SLC7A1: variants seen among roughly 807,000 people sequenced by gnomAD.
SLC7A1 encodes high affinity cationic amino acid transporter 1.
SLC7A1 carries 10 observed loss-of-function variants against 53.9 expected under a neutral mutation model. The observed-to-expected ratio is 0.19, with a 90% confidence interval of 0.11 to 0.31. SLC7A1 has a LOEUF of 0.31. Ranked by LOEUF, SLC7A1 falls within the 10% of genes least tolerant of loss-of-function variation. The pLI is 1.00. For synonymous variants in SLC7A1, 342 were observed against 338.7 expected (o/e 1.01, Z -0.11); for missense variants, 525 against 827.2 (o/e 0.63, Z 4.48).
chr13:29,535,458 C>T (rs1593550408), intron 3 of SLC7A1, among the ~76,000 whole-genome samples: 1 of 152,128 alleles, frequency 6.6e-6, no homozygotes, highest in Non-Finnish European at 1.5e-5. Flanking sequence ...TTCATGGGAT[C>T]CCTAGTATCT....
chr13:29,556,230 T>C (rs905818338), intron 1 of SLC7A1, among the ~76,000 whole-genome samples: 1 of 152,206 alleles, frequency 6.6e-6, no homozygotes, highest in African/African-American at 2.4e-5. Context: ...GGCAAATATG[T>C]AAAACAATGC....
At chr13:29,535,290 G>T (rs1869354855) in intron 3 of SLC7A1, among the ~76,000 whole-genome samples, 1 of 152,210 alleles carries the variant, frequency 6.6e-6, no homozygotes, top group Non-Finnish European at 1.5e-5. Context: ...CATTAGAAAT[G>T]TTACTGTGGA....
At chr13:29,527,436 T>G (rs1290186440) in intron 5 of SLC7A1, among the ~76,000 whole-genome samples, 1 of 150,586 alleles carries the variant, frequency 6.6e-6, no homozygotes, top group Non-Finnish European at 1.5e-5. Context: ...CAGAATCCAT[T>G]CTACAGAGGC....
At chr13:29,530,896 T>C (rs11838370) in intron 4 of SLC7A1, among the ~76,000 whole-genome samples, 184 bp from the exon 5 acceptor site, 7,206 of 152,040 alleles carry the variant, frequency 0.047, 562 homozygotes, top group African/African-American at 0.16. Context: ...GATCAGGGGT[T>C]TAAATCACCA....
At chr13:29,545,541 A>G (rs1236303266) in intron 2 of SLC7A1, among the ~76,000 whole-genome samples, 1 of 152,218 alleles carries the variant, frequency 6.6e-6, no homozygotes, top group African/African-American at 2.4e-5. Context: ...ACGCCCAGAA[A>G]ACAGAACTCG....
chr13:29,522,053 CTG>C (rs1868652958), intron 8 of SLC7A1, among the ~76,000 whole-genome samples: 1 of 152,192 alleles, frequency 6.6e-6, no homozygotes, highest in African/African-American at 2.4e-5. Context: ...TTTTCGAATA[CTG>C]TGTGTTCTAA....
intron 2 of SLC7A1, among the ~76,000 whole-genome samples, chr13:29,550,771 T>C (rs746076842): frequency 6.6e-6 from 1 of 152,198 alleles, no homozygotes; most frequent in Non-Finnish European, 1.5e-5. Flanking sequence ...GAGCTCTGAC[T>C]CCTGCTGATT....
At chr13:29,536,447 G>A (rs779594869) in intron 2 of SLC7A1, among the ~76,000 whole-genome samples, 7 of 152,158 alleles carry the variant, frequency 4.6e-5, no homozygotes, top group Non-Finnish European at 8.8e-5. Context: ...CGAGGTCTCT[G>A]AGCTTCCACA....
chr13:29,554,195 C>T (rs963048695), intron 1 of SLC7A1, among the ~76,000 whole-genome samples: 2 of 152,190 alleles, frequency 1.3e-5, no homozygotes, highest in African/African-American at 4.8e-5. Context: ...CGTAGGCATG[C>T]AAAAGCTCTG....
intron 1 of SLC7A1, among the ~76,000 whole-genome samples, chr13:29,583,770 T>C (rs1216096554): frequency 6.6e-6 from 1 of 152,210 alleles, no homozygotes; most frequent in African/African-American, 2.4e-5. Flanking sequence ...ATTCTAATTG[T>C]ATCAAACTCT....
chr13:29,556,423 G>T (rs1052510875), intron 1 of SLC7A1, among the ~76,000 whole-genome samples: 1 of 151,786 alleles, frequency 6.6e-6, no homozygotes, highest in Admixed American at 6.6e-5. Flanking sequence ...TCACTCAGGC[G>T]ACAGAATGCA....
chr13:29,545,220 C>T (rs1053405592), intron 2 of SLC7A1, among the ~76,000 whole-genome samples: 12 of 152,182 alleles, frequency 7.9e-5, no homozygotes, highest in African/African-American at 2.4e-4. Context: ...ATGCTAGTTA[C>T]AGATTAAAAT....
At chr13:29,548,442 C>G (rs1870019849) in intron 2 of SLC7A1, among the ~76,000 whole-genome samples, 1 of 152,232 alleles carries the variant, frequency 6.6e-6, no homozygotes, top group African/African-American at 2.4e-5. Context: ...GAGGCTGGCA[C>G]CCTGGTCTGT....
At chr13:29,585,922 C>A (rs886848127) in intron 1 of SLC7A1, among the ~76,000 whole-genome samples, 1 of 152,192 alleles carries the variant, frequency 6.6e-6, no homozygotes, top group African/African-American at 2.4e-5. Flanking sequence ...AACAGTGTAT[C>A]TTGGTAGCCT....
intron 1 of SLC7A1, among the ~76,000 whole-genome samples, chr13:29,559,985 G>C (rs1870673560): frequency 6.6e-6 from 1 of 152,106 alleles, no homozygotes; most frequent in African/African-American, 2.4e-5. Context: ...AAAGTGCTGG[G>C]ATTACAGGCG....
At chr13:29,538,227 AG>A (rs1431764979) in intron 2 of SLC7A1, among the ~76,000 whole-genome samples, 1 of 152,118 alleles carries the variant, frequency 6.6e-6, no homozygotes, top group Non-Finnish European at 1.5e-5. Flanking sequence ...CCTCCTCTGG[AG>A]TTCCGGCAGT....
intron 11 of SLC7A1, 108 bp downstream of exon 11, chr13:29,517,036 C>T (rs996986027): frequency 8.1e-5 from 90 of 1,111,538 alleles, no homozygotes; most frequent in Middle Eastern, 3.1e-4. Context: ...CTAGCAAAAA[C>T]CTTCCTCGGG....
intron 6 of SLC7A1, 73 bp downstream of exon 6, chr13:29,524,059 G>A (rs1868764736): frequency 6.7e-7 from 1 of 1,490,318 alleles, no homozygotes; most frequent in African/African-American, 1.4e-5. Context: ...CCAGCAAGGA[G>A]GGAAATGGCA....
At chr13:29,587,363 A>G (rs1312521947) in intron 1 of SLC7A1, among the ~76,000 whole-genome samples, 2 of 152,212 alleles carry the variant, frequency 1.3e-5, no homozygotes, top group Non-Finnish European at 2.9e-5. Flanking sequence ...AAACTTCACT[A>G]CCTGCACCAG....
Sources: gnomAD v4.1 joint callset for allele counts (sites outside exome capture counted in the v4.1 genomes callset) on GRCh38, gnomAD v4.1.1 for gene constraint, MANE v1.5 for transcripts, NCBI Gene and HGNC (gene_info 2026-07-23, HGNC 2026-07-21) for gene names.